Variants in NOD1 observed in about 807,000 individuals in gnomAD.
The protein encoded by NOD1 is nucleotide binding oligomerization domain containing 1.
In NOD1, 70 loss-of-function variants were observed where a neutral mutation model predicts 81.2. The observed-to-expected ratio is 0.86, with a 90% CI of 0.71 to 1.05. The LOEUF (loss-of-function observed/expected upper bound fraction) is 1.05, where lower values mean the gene tolerates loss of function less well. Ranked by LOEUF, NOD1 falls within the 50% of genes least tolerant of loss-of-function variation. NOD1 has a pLI of 0.00. For synonymous variants in NOD1, 508 were observed against 526.9 expected, an observed-to-expected ratio of 0.96 and a Z score of 0.49; for missense variants, 1,233 against 1,228.0, an observed-to-expected ratio of 1.00 and a Z score of -0.06.
chr7:30,448,723 C>T (rs1029997571), intron 6 of NOD1, among the ~76,000 whole-genome samples: 1 of 152,146 alleles, frequency 6.6e-6, no homozygotes, highest in Non-Finnish European at 1.5e-5. Context: ...ACCTGGTTCT[C>T]GTATGGTGGA....
chr7:30,435,873 G>A (rs531215410), intron 11 of NOD1, 125 bp downstream of exon 11: 91 of 740,492 alleles, frequency 1.2e-4, no homozygotes, highest in Non-Finnish European at 1.6e-4. Context: ...CGGGAGGTTC[G>A]AATGAGCCTG....
intron 1 of NOD1, among the ~76,000 whole-genome samples, chr7:30,476,397 T>C (rs997715790): frequency 1.3e-5 from 2 of 152,212 alleles, no homozygotes; most frequent in Non-Finnish European, 2.9e-5. Context: ...AGGGTAAAGT[T>C]CCAGCTGGGA....
Position 30,451,894 on chromosome 7 carries a change from C to T in NOD1, c.1523G>A (p.Gly508Asp). Residue 508 changes from glycine to aspartate, a missense_variant, in exon 6 of 14, where the codon GGT becomes GAT. By Grantham distance (94) the Gly-to-Asp change is moderately conservative. Coordinates refer to ENST00000222823, the MANE Select transcript of NOD1 (RefSeq NM_006092.4). The surrounding 1 kb of genome is among the most constrained non-coding windows in gnomAD (Gnocchi z 4.2). ...LRALPELGPG[G>D]DQQSYEFFHL... is the part of the protein sequence containing the mutation. The stretch of plus-strand genomic sequence containing the variant: ...GAAAAACTCATAGGACTGCTGGTCA[C>T]CCCCGGGGCCCAGCTCCGGCAAAGC... 1.9e-6 allele frequency: 3 copies of T among 1,613,578 alleles called. No homozygotes were observed. The highest frequency in any genetic ancestry group is 2.5e-6 in the Non-Finnish European group (3 of 1,179,956).
intron 9 of NOD1, among the ~76,000 whole-genome samples, chr7:30,438,668 T>C (rs954298989): frequency 6.6e-6 from 1 of 152,248 alleles, no homozygotes; most frequent in Non-Finnish European, 1.5e-5. Flanking sequence ...TTTCAGTGTT[T>C]TGCTTACATA....
At chr7:30,426,795 C>T (rs1035196450) in intron 13 of NOD1, among the ~76,000 whole-genome samples, 6 of 152,110 alleles carry the variant, frequency 3.9e-5, no homozygotes, top group Admixed American at 1.3e-4. Context: ...GGACACCACA[C>T]TCCCTCCTGC....
At chr7:30,466,120 A>G (rs1173717921) in intron 1 of NOD1, among the ~76,000 whole-genome samples, 1 of 152,242 alleles carries the variant, frequency 6.6e-6, no homozygotes, top group Non-Finnish European at 1.5e-5. Context: ...CTTCTAGGAT[A>G]TAACTTTATG....
chr7:30,471,384 G>A (rs1310111910), intron 1 of NOD1, among the ~76,000 whole-genome samples: 1 of 152,186 alleles, frequency 6.6e-6, no homozygotes, highest in African/African-American at 2.4e-5. Context: ...AACACATCTG[G>A]CACTGCAACC....
intron 1 of NOD1, among the ~76,000 whole-genome samples, chr7:30,466,096 A>T (rs987864498): frequency 1.9e-4 from 29 of 152,340 alleles, no homozygotes; most frequent in African/African-American, 6.5e-4. Flanking sequence ...TTTTATGAAC[A>T]CAGAAAGGAT....
intron 5 of NOD1, 106 bp downstream of exon 5, chr7:30,455,031 T>G: frequency 9.1e-7 from 1 of 1,097,328 alleles, no homozygotes; most frequent in Admixed American, 2.2e-5. Context: ...AAATAGCACC[T>G]GGGCCTGCTT....
At chr7:30,439,498 C>T (rs866637467) in intron 9 of NOD1, among the ~76,000 whole-genome samples, 9 of 132,754 alleles carry the variant, frequency 6.8e-5, no homozygotes, top group South Asian at 2.6e-4. Flanking sequence ...GGGTGACGGA[C>T]GCACCTGGAA....
rs1024899547 is a variant in NOD1 at position 30,476,858 on chromosome 7, T to C, written c.-352+1748A>G. ...GCAGGGCAGGAGAAGGAATGGAGCGTTGAAGGGAACATTTTATAGACATTC... is the reference window on the plus strand; with the variant it reads ...GCAGGGCAGGAGAAGGAATGGAGCGCTGAAGGGAACATTTTATAGACATTC... On this transcript the variant is annotated intron_variant, in intron 1 of 13. Transcript: ENST00000222823. Among the ~76,000 whole-genome samples, 7 of 152,284 alleles carry C rather than the reference T, an allele frequency of 4.6e-5. No individual in the cohort carries two copies. The South Asian group carries it at 6.2e-4, about 14-fold the overall frequency.
At chr7:30,450,531 G>A (rs1008876610) in intron 6 of NOD1, among the ~76,000 whole-genome samples, 4 of 152,162 alleles carry the variant, frequency 2.6e-5, no homozygotes, top group Admixed American at 6.5e-5. Flanking sequence ...TCTGTTTCCC[G>A]TAAACTATGG....
chr7:30,460,170 T>C (rs1199772834), intron 1 of NOD1, 129 bp from the exon 2 acceptor site: 1 of 876,236 alleles, frequency 1.1e-6, no homozygotes, highest in African/African-American at 1.8e-5. Flanking sequence ...TAACAAGGTA[T>C]GGATGTTGGA....
In NOD1 at chr7:30,452,136, C is replaced by G; in HGVS notation, c.1281G>C (p.Leu427=). 1 of 1,613,980 alleles carries G rather than the reference C, an allele frequency of 6.2e-7. No homozygotes were observed. Among genetic ancestry groups the G allele is most frequent in the Non-Finnish European group, 8.5e-7 (1 of 1,180,032 alleles). ...TCCTGTTCAGATGGACCTCAGTGAC[C>G]AGGAGGAAGACATCTGTCAGGGTCA... The part of the protein sequence containing the change: ...CTMTLTDVFL[L]VTEVHLNRMQ... The change falls in exon 6 of 14, where the codon CTG becomes CTC. Residue 427 remains leucine, a synonymous_variant. Coordinates refer to ENST00000222823, the MANE Select transcript of NOD1 (RefSeq NM_006092.4).
At chr7:30,430,235 A>G (rs1204645197) in intron 12 of NOD1, among the ~76,000 whole-genome samples, 2 of 152,152 alleles carry the variant, frequency 1.3e-5, no homozygotes, top group African/African-American at 4.8e-5. Context: ...GGCTCAGTGG[A>G]AAAGCTTTAA....
chr7:30,470,673 G>A (rs1000562630), intron 1 of NOD1, among the ~76,000 whole-genome samples: 2 of 152,160 alleles, frequency 1.3e-5, no homozygotes, highest in African/African-American at 4.8e-5. Context: ...CATTGCCTGT[G>A]CGACCACTTG....
rs148253610 is a variant in NOD1 at position 30,432,233 on chromosome 7, T to C, written c.2705+863A>G. On this transcript the variant is annotated intron_variant, in intron 12 of 13. Transcript: ENST00000222823. ...GTAAAGGTCTAGCACCCAGAATATA[T>C]AGAGAACCCCTATAACTCAGCATTA... 4.6e-5 allele frequency among the ~76,000 whole-genome samples: 7 copies of C among 152,230 alleles called. No homozygotes were observed. In the East Asian group the frequency reaches 5.8e-4, roughly 13 times the overall value.
At chr7:30,441,305 G>A (rs1784861401) in intron 9 of NOD1, among the ~76,000 whole-genome samples, 1 of 3,430 alleles carries the variant, frequency 2.9e-4, no homozygotes, top group Non-Finnish European at 5.2e-4. Flanking sequence ...AAAAGACACA[G>A]ACTGGCAAGT....
chr7:30,458,279 G>A (rs372459554), intron 3 of NOD1, among the ~76,000 whole-genome samples: 2 of 152,098 alleles, frequency 1.3e-5, no homozygotes, highest in African/African-American at 2.4e-5. Context: ...GAATACTTGC[G>A]TGTGTAAAAT....
Sources: gnomAD v4.1 joint callset for allele counts (sites outside exome capture counted in the v4.1 genomes callset) on GRCh38, gnomAD v4.1.1 for gene constraint, Gnocchi (gnomAD v3.1) non-coding constraint, MANE v1.5 for transcripts, NCBI Gene and HGNC (gene_info 2026-07-23, HGNC 2026-07-21) for gene names.